ACVR2A: variants seen among roughly 807,000 people sequenced by gnomAD.
ACVR2A encodes activin receptor type-2A.
In ACVR2A, 7 loss-of-function variants were observed where a neutral mutation model predicts 61.4. The ratio of observed to expected loss-of-function variants is 0.11; its 90% CI spans 0.06 to 0.21. The LOEUF (loss-of-function observed/expected upper bound fraction) is 0.21. Ranked by LOEUF, ACVR2A falls within the 10% of genes least tolerant of loss-of-function variation. ACVR2A has a pLI of 1.00. For missense variants in ACVR2A, 322 were observed against 621.7 expected, an observed-to-expected ratio of 0.52 and a Z score of 5.13; for synonymous variants, 193 against 208.3, an observed-to-expected ratio of 0.93 and a Z score of 0.63.
intron 1 of ACVR2A, among the ~76,000 whole-genome samples, chr2:147,870,434 C>T (rs17691284): frequency 0.14 from 21,775 of 152,034 alleles, 1,930 homozygotes; most frequent in Middle Eastern, 0.23. Context: ...CATGCCACTT[C>T]TGATTTTTCT....
chr2:147,915,332 C>A lies in ACVR2A; in HGVS notation c.670C>A (p.Gln224Lys). 6.2e-7 allele frequency: 1 copy of A among 1,611,510 alleles called. No individual in the cohort carries two copies. Among genetic ancestry groups the A allele is most frequent in the Non-Finnish European group, 8.5e-7 (1 of 1,178,242 alleles). ...EYVAVKIFPIQDKQSWQNEYE... is the reference protein window; with the variant it reads ...EYVAVKIFPIKDKQSWQNEYE... ...TGTGGCTGTCAAAATATTTCCAATA[C>A]AGGTATGTTTATTGCAGTTTTGTCA... The change falls in exon 5 of 11, where the codon CAG (glutamine) becomes AAG (lysine). Residue 224 changes from glutamine (Q) to lysine (K), a missense_variant and splice_region_variant. Around this residue, in one of 3 missense-constraint regions of ACVR2A, gnomAD observed 146 missense variants for 383.8 expected, o/e 0.38. Transcript: ENST00000241416.
At chr2:147,886,326 A>G (rs1407382144) in intron 1 of ACVR2A, among the ~76,000 whole-genome samples, 1 of 152,192 alleles carries the variant, frequency 6.6e-6, no homozygotes, top group Non-Finnish European at 1.5e-5. Flanking sequence ...AAACTTCATT[A>G]ACTCTTCCCA....
chr2:147,860,438 C>T (rs967457063), intron 1 of ACVR2A, among the ~76,000 whole-genome samples: 1 of 151,958 alleles, frequency 6.6e-6, no homozygotes, highest in Non-Finnish European at 1.5e-5. Context: ...AGCTTTGATA[C>T]GCTAATTGAA....
In ACVR2A at chr2:147,926,038, A is replaced by G. The variant is rs1428689635; in HGVS notation, c.1224A>G (p.Val408=). 6.2e-7 allele frequency: 1 copy of G among 1,609,810 alleles called. No individual in the cohort carries two copies. Among genetic ancestry groups the G allele is most frequent in the Non-Finnish European group, 8.5e-7 (1 of 1,178,064 alleles). The change falls in exon 10 of 11, where the codon GTA becomes GTG. Residue 408 remains valine, a synonymous_variant. Transcript: ENST00000241416. ...ACTTTTCTTACTTTTCAGGACCTGT[A>G]GATGAATACATGTTGCCATTTGAGG... is the stretch of plus-strand genomic sequence containing the variant. ...ASRCTAADGP[V]DEYMLPFEEE...
intron 2 of ACVR2A, among the ~76,000 whole-genome samples, chr2:147,898,033 A>G (rs773100110): frequency 6.6e-6 from 1 of 152,096 alleles, no homozygotes; most frequent in East Asian, 1.9e-4. Context: ...CTCTTTACCT[A>G]AAGACAATAC....
chr2:147,872,985 C>G (rs149137151), intron 1 of ACVR2A, among the ~76,000 whole-genome samples: 1 of 152,054 alleles, frequency 6.6e-6, no homozygotes, highest in Non-Finnish European at 1.5e-5. Flanking sequence ...ATTTGTTTGA[C>G]ACTTGTATTG....
intron 4 of ACVR2A, among the ~76,000 whole-genome samples, chr2:147,909,357 C>G (rs1687062643): frequency 6.6e-6 from 1 of 152,150 alleles, no homozygotes; most frequent in African/African-American, 2.4e-5. Context: ...CTGGCACAGA[C>G]TAGTTACTCA....
intron 1 of ACVR2A, among the ~76,000 whole-genome samples, chr2:147,865,411 T>G (rs1419537844): frequency 6.6e-6 from 1 of 152,198 alleles, no homozygotes; most frequent in Non-Finnish European, 1.5e-5. Flanking sequence ...CTTATTATAT[T>G]TGATTATGAA....
intron 1 of ACVR2A, among the ~76,000 whole-genome samples, chr2:147,845,944 G>A (rs749305294): frequency 2.0e-5 from 3 of 152,246 alleles, no homozygotes; most frequent in Non-Finnish European, 4.4e-5. Flanking sequence ...ATTGTTTTCG[G>A]TTTAGAACAA....
At chr2:147,900,512 T>A (rs1330154281) in intron 4 of ACVR2A, 2 of 152,054 alleles carry the variant, frequency 1.3e-5, no homozygotes, top group Non-Finnish European at 2.9e-5. Context: ...CTTTTAAGGC[T>A]CTTGATTGTC....
At chr2:147,903,701 T>A (rs1365207107) in intron 4 of ACVR2A, among the ~76,000 whole-genome samples, 1 of 151,942 alleles carries the variant, frequency 6.6e-6, no homozygotes, top group Non-Finnish European at 1.5e-5. Context: ...TTAGTTGTAA[T>A]CCTCCTTGAA....
intron 4 of ACVR2A, among the ~76,000 whole-genome samples, chr2:147,914,147 A>C (rs1476513997): frequency 6.6e-6 from 1 of 151,998 alleles, no homozygotes; most frequent in Non-Finnish European, 1.5e-5. Flanking sequence ...ATCTGGGATC[A>C]CATACCATTT....
At chr2:147,918,160 C>T (rs1431116670) in intron 6 of ACVR2A, among the ~76,000 whole-genome samples, 2 of 147,976 alleles carry the variant, frequency 1.4e-5, no homozygotes, top group African/African-American at 5.0e-5. Context: ...AGATTTTCAA[C>T]TAGTCTTTAA....
intron 6 of ACVR2A, among the ~76,000 whole-genome samples, chr2:147,918,044 C>A (rs1198087315): frequency 1.3e-5 from 2 of 151,742 alleles, no homozygotes; most frequent in Non-Finnish European, 2.9e-5. Context: ...GAATATTCTA[C>A]ATATTAGTTG....
At chr2:147,899,413 T>C (rs772486438) in intron 2 of ACVR2A, 45 bp from the exon 3 acceptor site, 1 of 1,353,742 alleles carries the variant, frequency 7.4e-7, no homozygotes. Context: ...GTAGGGTCAG[T>C]ATAATAATAT....
At chr2:147,853,975 C>T (rs966665287) in intron 1 of ACVR2A, among the ~76,000 whole-genome samples, 3 of 152,088 alleles carry the variant, frequency 2.0e-5, no homozygotes, top group African/African-American at 7.2e-5. Context: ...GAATTGATAA[C>T]TCCACATAAC....
intron 1 of ACVR2A, among the ~76,000 whole-genome samples, chr2:147,867,238 T>C (rs1685879624): frequency 6.6e-6 from 1 of 152,158 alleles, no homozygotes; most frequent in Non-Finnish European, 1.5e-5. Flanking sequence ...TGGTTTCAGC[T>C]GTGGTCTATT....
At chr2:147,848,686 G>C (rs1230658437) in intron 1 of ACVR2A, among the ~76,000 whole-genome samples, 1 of 152,122 alleles carries the variant, frequency 6.6e-6, no homozygotes, top group African/African-American at 2.4e-5. Context: ...AGGTAGATGA[G>C]CAGAAAAGAT....
intron 4 of ACVR2A, chr2:147,902,922 T>C (rs1178886296): frequency 6.6e-6 from 1 of 152,016 alleles, no homozygotes; most frequent in East Asian, 1.9e-4. Flanking sequence ...TTTTAGACAG[T>C]GCCATAACAT....
Sources: allele counts gnomAD v4.1 joint callset (sites outside exome capture counted in the v4.1 genomes callset), GRCh38; gene constraint gnomAD v4.1.1; regional missense constraint gnomAD v4.1.1; transcripts MANE v1.5; gene names NCBI Gene and HGNC (gene_info 2026-07-23, HGNC 2026-07-21).